Variants in TTC7B observed in about 807,000 individuals in gnomAD.
TTC7B encodes tetratricopeptide repeat domain 7B.
TTC7B carries 28 observed loss-of-function variants against 106.8 expected under a neutral mutation model. The observed-to-expected ratio is 0.26, with a 90% confidence interval of 0.19 to 0.36. The LOEUF (loss-of-function observed/expected upper bound fraction) is 0.36, where lower values mean the gene tolerates loss of function less well. Ranked by LOEUF, TTC7B falls within the 10% of genes least tolerant of loss-of-function variation. TTC7B has a pLI of 1.00. For missense variants in TTC7B, 862 were observed against 1,076.4 expected (o/e 0.80, Z 2.79); for synonymous variants, 405 against 430.6 (o/e 0.94, Z 0.74).
At position 90,570,775 on chromosome 14, in the gene TTC7B, G is replaced by A. The variant is rs1222336881; in HGVS notation, c.2310+7331C>T. Among the ~76,000 whole-genome samples, 1 of 152,218 alleles carries A rather than the reference G, an allele frequency of 6.6e-6. No homozygotes were observed. The highest frequency in any genetic ancestry group is 1.5e-5 in the Non-Finnish European group (1 of 68,038). ...GCGACACTCAGAGCTGATATTTGCG[G>A]AGTGTGAGGCACCCTGCTAACTCAT... On this transcript the variant is annotated intron_variant, in intron 19 of 19. Transcript: ENST00000328459. This position sits in a 1 kb window ranked among gnomAD's most constrained non-coding sequence, Gnocchi z 4.0.
chr14:90,578,135 G>T lies in TTC7B; in HGVS notation c.2281C>A (p.Pro761Thr). The change falls in exon 19 of 20, where the codon CCC becomes ACC. Residue 761 changes from proline (P) to threonine (T), a missense_variant. Coordinates refer to ENST00000328459, the MANE Select transcript of TTC7B (RefSeq NM_001010854.2). This position sits in a 1 kb window ranked among gnomAD's most constrained non-coding sequence, Gnocchi z 4.7. ...RWYEEALAIS[P>T]THVKSMQRLA... ...CGCTGCATGCTCTTCACGTGGGTGGGGCTGATGGCTAAGGCCTCTTCATAC... is the reference window on the plus strand; with the variant it reads ...CGCTGCATGCTCTTCACGTGGGTGGTGCTGATGGCTAAGGCCTCTTCATAC... 6.2e-7 allele frequency: 1 copy of T among 1,612,570 alleles called. No individual in the cohort carries two copies.
chr14:90,715,051 T>G (rs1256408166), intron 5 of TTC7B, among the ~76,000 whole-genome samples: 2 of 152,228 alleles, frequency 1.3e-5, no homozygotes, highest in African/African-American at 4.8e-5. Context: ...CTCTGGCCCC[T>G]TAGACCTTGC....
chr14:90,778,777 G>T (rs1321952387), intron 3 of TTC7B, among the ~76,000 whole-genome samples: 2 of 152,242 alleles, frequency 1.3e-5, no homozygotes, highest in Admixed American at 6.5e-5. Context: ...CTGCCAGAGT[G>T]CCCTGTCGAG....
chr14:90,688,201 C>G (rs1287151584), intron 7 of TTC7B, among the ~76,000 whole-genome samples: 1 of 152,180 alleles, frequency 6.6e-6, no homozygotes, highest in East Asian at 1.9e-4. Context: ...CTTACAAGAA[C>G]AGGCAAAGGC....
chr14:90,610,681 G>T, intron 17 of TTC7B, 61 bp downstream of exon 17: 1 of 1,234,492 alleles, frequency 8.1e-7, no homozygotes, highest in Non-Finnish European at 1.2e-6. Flanking sequence ...CATGTCACTT[G>T]GTCCCAGGCC....
chr14:90,647,117 C>A, intron 13 of TTC7B, 94 bp from the exon 14 acceptor site: 1 of 1,029,016 alleles, frequency 9.7e-7, no homozygotes, highest in Non-Finnish European at 1.5e-6. Flanking sequence ...CATTCTTATA[C>A]TAAGGGCCCG....
At chr14:90,574,543 G>C (rs1286487) in intron 19 of TTC7B, among the ~76,000 whole-genome samples, 34,352 of 152,132 alleles carry the variant, frequency 0.23, 4,488 homozygotes, top group African/African-American at 0.37. Context: ...TTTCCTCTGG[G>C]GTTGAATTTA....
Position 90,672,137 on chromosome 14 carries a change from C to T in TTC7B, c.1152+4386G>A, listed in dbSNP as rs185429455. Reference sequence around the variant, plus strand: ...AGCAGGAAGACATGCTGTGCCCTGACGTGTAAGTGTTAATGCTGGTTGGGG... The same window carrying T: ...AGCAGGAAGACATGCTGTGCCCTGATGTGTAAGTGTTAATGCTGGTTGGGG... On this transcript the variant is annotated intron_variant, in intron 9 of 19. Transcript: ENST00000328459. Among the ~76,000 whole-genome samples, 11 of 152,234 alleles carry T rather than the reference C, an allele frequency of 7.2e-5. No homozygotes were observed. In the East Asian group the frequency reaches 1.4e-3, roughly 19 times the overall value.
Position 90,657,204 on chromosome 14 carries a change from A to G in TTC7B, c.1311T>C (p.Ala437=). The G allele has an allele frequency of 6.2e-7, 1 of 1,614,126 alleles. No homozygotes were observed. Among genetic ancestry groups the G allele is most frequent in the Non-Finnish European group, 8.5e-7 (1 of 1,180,016 alleles). ...GCAGGGAGCCCATGCAGAGCTTGGC[A>G]GCGAGGAGAGGGATGGTGGCATCGT... ...KPDDATIPLL[A]AKLCMGSLHW... Residue 437 remains alanine, a synonymous_variant, in exon 11 of 20, where the codon GCT becomes GCC. Coordinates refer to ENST00000328459, the MANE Select transcript of TTC7B (RefSeq NM_001010854.2). The surrounding 1 kb of genome is among the most constrained non-coding windows in gnomAD (Gnocchi z 4.2).
Position 90,570,577 on chromosome 14 carries a change from G to A in TTC7B, c.2310+7529C>T, listed in dbSNP as rs1001059742. ...CACTCAAAAGCGAAGCATCGTGCTCGCGGCCGACCACGCACCGAGATATAT... is the reference window on the plus strand; with the variant it reads ...CACTCAAAAGCGAAGCATCGTGCTCACGGCCGACCACGCACCGAGATATAT... On this transcript the variant is annotated intron_variant, in intron 19 of 19. Transcript: ENST00000328459. This position sits in a 1 kb window ranked among gnomAD's most constrained non-coding sequence, Gnocchi z 4.0. Among the ~76,000 whole-genome samples the A allele has an allele frequency of 1.3e-5, 2 of 151,970 alleles. No individual in the cohort carries two copies. The highest frequency in any genetic ancestry group is 2.9e-5 in the Non-Finnish European group (2 of 67,994).
In TTC7B at chr14:90,742,788, G is replaced by T. The variant is rs1488184457; in HGVS notation, c.576+2004C>A. Reference sequence around the variant, plus strand: ...GCTGAAGAACCCAGCACTGAATGGGGTGTTGTGAGTGAACATAACAGAAGT... The same window carrying T: ...GCTGAAGAACCCAGCACTGAATGGGTTGTTGTGAGTGAACATAACAGAAGT... On this transcript the variant is annotated intron_variant, in intron 4 of 19. Coordinates refer to ENST00000328459, the MANE Select transcript of TTC7B (RefSeq NM_001010854.2). The surrounding 1 kb of genome is among the most constrained non-coding windows in gnomAD (Gnocchi z 4.1). 6.6e-6 allele frequency among the ~76,000 whole-genome samples: 1 copy of T among 152,224 alleles called. No individual in the cohort carries two copies. Among genetic ancestry groups the T allele is most frequent in the Non-Finnish European group, 1.5e-5 (1 of 68,042 alleles).
intron 4 of TTC7B, among the ~76,000 whole-genome samples, chr14:90,732,657 C>T (rs1048451319): frequency 5.9e-5 from 9 of 152,154 alleles, no homozygotes; most frequent in African/African-American, 2.2e-4. Context: ...AGATTACAGG[C>T]ATGAGCCACT....
chr14:90,599,825 C>T (rs1456999758), intron 17 of TTC7B, among the ~76,000 whole-genome samples: 7 of 152,082 alleles, frequency 4.6e-5, no homozygotes, highest in African/African-American at 1.5e-4. Context: ...TAAAATAATA[C>T]GAAAAAGCAG....
chr14:90,783,247 C>T (rs183431941), intron 2 of TTC7B, among the ~76,000 whole-genome samples: 20 of 152,362 alleles, frequency 1.3e-4, no homozygotes, highest in Non-Finnish European at 1.5e-5. Flanking sequence ...CCACTACATG[C>T]CTGGCTGGCT....
At chr14:90,662,692 G>A (rs1886257087) in intron 9 of TTC7B, among the ~76,000 whole-genome samples, 1 of 152,210 alleles carries the variant, frequency 6.6e-6, no homozygotes, top group Non-Finnish European at 1.5e-5. Context: ...AGTAATTAAT[G>A]CAGAGAGTTA....
Position 90,578,023 on chromosome 14 carries a change from G to C in TTC7B, c.2310+83C>G, listed in dbSNP as rs1310883806. On this transcript the variant is annotated intron_variant, in intron 19 of 19. Coordinates refer to ENST00000328459, the MANE Select transcript of TTC7B (RefSeq NM_001010854.2). The surrounding 1 kb of genome is among the most constrained non-coding windows in gnomAD (Gnocchi z 4.7). ...ATGGGGCCTTTGGAAGCAGAAGAGGGTGTGAGGGTCATGTGCTACCTGCCG... is the reference window on the plus strand; with the variant it reads ...ATGGGGCCTTTGGAAGCAGAAGAGGCTGTGAGGGTCATGTGCTACCTGCCG... 2.0e-6 allele frequency: 3 copies of C among 1,480,424 alleles called. No homozygotes were observed. The highest frequency in any genetic ancestry group is 1.2e-5 in the South Asian group (1 of 81,900). 91.7% of individuals were successfully genotyped at this position (1,480,424 alleles called of 1,614,324 possible).
chr14:90,719,284 AC>A (rs1888789962), intron 5 of TTC7B, among the ~76,000 whole-genome samples: 1 of 152,154 alleles, frequency 6.6e-6, no homozygotes, highest in African/African-American at 2.4e-5. Flanking sequence ...AAAAAAACAA[AC>A]AAAAACAACA....
intron 11 of TTC7B, among the ~76,000 whole-genome samples, 157 bp from the exon 12 acceptor site, chr14:90,655,267 T>C (rs1885899870): frequency 6.6e-6 from 1 of 152,230 alleles, no homozygotes; most frequent in South Asian, 2.1e-4. Context: ...TTTTCTTTCT[T>C]GAGCTCTCTA....
chr14:90,583,946 A>C (rs911957024), intron 18 of TTC7B, among the ~76,000 whole-genome samples: 6 of 152,218 alleles, frequency 3.9e-5, no homozygotes, highest in African/African-American at 1.4e-4. Flanking sequence ...CTTTTGCCTC[A>C]AATGCCTTTC....
Sources: allele counts gnomAD v4.1 joint callset (sites outside exome capture counted in the v4.1 genomes callset), GRCh38; gene constraint gnomAD v4.1.1; non-coding constraint Gnocchi (gnomAD v3.1); transcripts MANE v1.5; gene names NCBI Gene and HGNC (gene_info 2026-07-23, HGNC 2026-07-21).